The following RGS21 variants were observed in gnomAD, a reference collection of about 807,000 sequenced individuals.
RGS21 encodes regulator of G protein signaling 21, also known as regulator of G-protein signalling 21.
RGS21 carries 19 observed loss-of-function variants against 18.7 expected under a neutral mutation model. The ratio of observed to expected loss-of-function variants is 1.01; its 90% CI spans 0.71 to 1.49. The LOEUF (loss-of-function observed/expected upper bound fraction) is 1.49. Among genes scored for constraint, RGS21 ranks in the 40% most tolerant of loss-of-function variants. The pLI, the probability that RGS21 is intolerant of heterozygous loss-of-function variation, is 0.00. For missense variants in RGS21, 194 were observed against 176.8 expected, an observed-to-expected ratio of 1.10 and a Z score of -0.55; for synonymous variants, 56 against 57.8, an observed-to-expected ratio of 0.97 and a Z score of 0.14.
At chr1:192,329,311 A>G (rs1336177574) in intron 1 of RGS21, among the ~76,000 whole-genome samples, 2 of 152,076 alleles carry the variant, frequency 1.3e-5, no homozygotes, top group African/African-American at 4.8e-5. Flanking sequence ...CAGCTTCATT[A>G]TGAGCAGAGG....
chr1:192,322,964 T>A (rs1658516912), intron 1 of RGS21, among the ~76,000 whole-genome samples: 1 of 152,126 alleles, frequency 6.6e-6, no homozygotes, highest in Non-Finnish European at 1.5e-5. Flanking sequence ...GTCATGATGA[T>A]GTAAAATATT....
chr1:192,340,794 G>C (rs1658847950), intron 1 of RGS21, among the ~76,000 whole-genome samples: 1 of 152,062 alleles, frequency 6.6e-6, no homozygotes, highest in African/African-American at 2.4e-5. Flanking sequence ...ACAAGAGAAA[G>C]AGGCAACCAA....
intron 1 of RGS21, among the ~76,000 whole-genome samples, chr1:192,331,427 G>A (rs1439790164): frequency 6.6e-6 from 1 of 151,890 alleles, no homozygotes; most frequent in East Asian, 1.9e-4. Flanking sequence ...GGCGCCTGTA[G>A]TCCCAGCTAC....
At chr1:192,320,372 A>G (rs1306752264) in intron 1 of RGS21, among the ~76,000 whole-genome samples, 2 of 152,130 alleles carry the variant, frequency 1.3e-5, no homozygotes, top group Non-Finnish European at 2.9e-5. Context: ...CACATTTTGC[A>G]AGAATACATG....
At chr1:192,351,545 G>T (rs150601125) in intron 3 of RGS21, among the ~76,000 whole-genome samples, 1 of 151,598 alleles carries the variant, frequency 6.6e-6, no homozygotes, top group South Asian at 2.1e-4. Flanking sequence ...TTCCTGTGAA[G>T]TAACTACCAT....
intron 1 of RGS21, among the ~76,000 whole-genome samples, chr1:192,332,808 G>A (rs528804665): frequency 1.3e-5 from 2 of 152,094 alleles, no homozygotes; most frequent in Admixed American, 6.5e-5. Flanking sequence ...TAGCTACTCC[G>A]GCGGCTGAGG....
intron 2 of RGS21, among the ~76,000 whole-genome samples, chr1:192,346,477 C>T (rs1350237160): frequency 6.6e-6 from 1 of 152,036 alleles, no homozygotes; most frequent in Non-Finnish European, 1.5e-5. Flanking sequence ...CACATCACAG[C>T]TACATAATCC....
intron 1 of RGS21, among the ~76,000 whole-genome samples, chr1:192,318,441 A>G (rs1658448995): frequency 6.6e-6 from 1 of 152,088 alleles, no homozygotes; most frequent in South Asian, 2.1e-4. Context: ...GCTAGACTCT[A>G]TCCCTCCCAG....
intron 3 of RGS21, among the ~76,000 whole-genome samples, chr1:192,351,446 C>T (rs925762387): frequency 6.6e-6 from 1 of 151,986 alleles, no homozygotes; most frequent in Non-Finnish European, 1.5e-5. Flanking sequence ...CTTATAGCAA[C>T]AAAGATATTC....
At chr1:192,344,430 T>C (rs962899082) in intron 2 of RGS21, among the ~76,000 whole-genome samples, 1 of 152,092 alleles carries the variant, frequency 6.6e-6, no homozygotes, top group Non-Finnish European at 1.5e-5. Flanking sequence ...CTGACCCTCT[T>C]TACTCTTTGG....
At chr1:192,349,849 G>A (rs548518111) in intron 3 of RGS21, among the ~76,000 whole-genome samples, 1 of 152,214 alleles carries the variant, frequency 6.6e-6, no homozygotes, top group South Asian at 2.1e-4. Flanking sequence ...ATCTCTCTGG[G>A]ATGCATTTAG....
At position 192,317,018 on chromosome 1, in the gene RGS21, G is replaced by T. The variant is rs1658430667; in HGVS notation, c.-148G>T. ...TTACCACTTGGAAAACAATTCATCT[G>T]AAAGAAGCACAGATTTTCTCATCTA... On this transcript the variant is annotated 5_prime_UTR_variant, in exon 1 of 5. Coordinates refer to ENST00000417209, the MANE Select transcript of RGS21 (RefSeq NM_001039152.3). 1.3e-5 allele frequency: 2 copies of T among 151,852 alleles called. No homozygotes were observed. The highest frequency in any genetic ancestry group is 2.1e-4 in the South Asian group (1 of 4,824). The allele number at this position is 151,852 out of a possible 1,614,324, so 9.4% of individuals were successfully genotyped here. A position where few individuals can be genotyped will look rare whatever the true frequency, so the allele number is the denominator to read the frequency against.
Position 192,366,032 on chromosome 1 carries a change from T to A in RGS21, c.367T>A (p.Ser123Thr), listed in dbSNP as rs750688754. Residue 123 changes from serine (S) to threonine (T), a missense_variant, in exon 5 of 5, where the codon TCT becomes ACT. By Grantham distance (58) the Ser-to-Thr change is moderately conservative. Transcript: ENST00000417209. Reference sequence around the variant, plus strand: ...AATCTATTGTCTCATGGCCAAGGATTCTTTCCCTCGATTTCTGAAGTCAGA... The same window carrying A: ...AATCTATTGTCTCATGGCCAAGGATACTTTCCCTCGATTTCTGAAGTCAGA... ...KLIYCLMAKD[S>T]FPRFLKSEIY... The A allele has an allele frequency of 8.1e-6, 13 of 1,610,980 alleles. No homozygotes were observed. The highest frequency in any genetic ancestry group is 4.0e-5 in the African/African-American group (3 of 74,812).
chr1:192,321,892 C>CT (rs959371901), intron 1 of RGS21, among the ~76,000 whole-genome samples: 4 of 151,904 alleles, frequency 2.6e-5, no homozygotes, highest in African/African-American at 9.7e-5. Flanking sequence ...TAAAAAACAG[C>CT]TAAAAACACA....
At chr1:192,359,266 G>C (rs78899587) in intron 4 of RGS21, among the ~76,000 whole-genome samples, 18 of 151,980 alleles carry the variant, frequency 1.2e-4, no homozygotes, top group Non-Finnish European at 2.4e-4. Context: ...AATACATGTG[G>C]CACTGTTTTT....
chr1:192,359,303 C>G (rs1659151154), intron 4 of RGS21, among the ~76,000 whole-genome samples: 1 of 151,808 alleles, frequency 6.6e-6, no homozygotes, highest in African/African-American at 2.4e-5. Flanking sequence ...AATGTTCAGC[C>G]CACACTCTGC....
chr1:192,361,061 C>G (rs1659181112), intron 4 of RGS21, among the ~76,000 whole-genome samples: 1 of 152,044 alleles, frequency 6.6e-6, no homozygotes, highest in African/African-American at 2.4e-5. Context: ...TGTTAAGACT[C>G]TCCCCTCCGC....
intron 4 of RGS21, among the ~76,000 whole-genome samples, chr1:192,354,577 C>T (rs566834821): frequency 1.3e-5 from 2 of 151,606 alleles, no homozygotes; most frequent in African/African-American, 2.4e-5. Context: ...CTTGACAAGA[C>T]TCGGTGACAT....
At chr1:192,354,621 G>C (rs1392754776) in intron 4 of RGS21, among the ~76,000 whole-genome samples, 1 of 151,674 alleles carries the variant, frequency 6.6e-6, no homozygotes, top group Non-Finnish European at 1.5e-5. Context: ...ATTTGCACAA[G>C]TGGAAAATTA....
Sources: allele counts gnomAD v4.1 joint callset (sites outside exome capture counted in the v4.1 genomes callset), GRCh38; gene constraint gnomAD v4.1.1; transcripts MANE v1.5; gene names NCBI Gene and HGNC (gene_info 2026-07-23, HGNC 2026-07-21).